CROCC2: variants seen among roughly 807,000 people sequenced by gnomAD.
CROCC2 encodes ciliary rootlet coiled-coil protein 2.
Under a neutral mutation model 177.6 loss-of-function variants are expected in CROCC2, and 163 were observed. That is an observed-to-expected ratio of 0.92 (90% confidence interval 0.81 to 1.05). The LOEUF (loss-of-function observed/expected upper bound fraction) is 1.05. Ranked by LOEUF, CROCC2 falls within the 50% of genes least tolerant of loss-of-function variation. The pLI is 0.00. For missense variants in CROCC2, 1,929 were observed against 1,797.8 expected, an observed-to-expected ratio of 1.07 and a Z score of -1.32; for synonymous variants, 904 against 787.3, an observed-to-expected ratio of 1.15 and a Z score of -2.48.
At chr2:240,974,187 T>G (rs1219802904) in intron 27 of CROCC2, among the ~76,000 whole-genome samples, 4 of 152,236 alleles carry the variant, frequency 2.6e-5, no homozygotes, top group Non-Finnish European at 4.4e-5. Context: ...GTTTCTCTCC[T>G]TCGTGTTGGA....
Position 240,917,017 on chromosome 2 carries a change from C to A in CROCC2, c.79-1709C>A, listed in dbSNP as rs957879988. On this transcript the variant is annotated intron_variant, in intron 1 of 31. Coordinates refer to ENST00000690015, the MANE Select transcript of CROCC2 (RefSeq NM_001351305.2). The surrounding 1 kb of genome is among the most constrained non-coding windows in gnomAD (Gnocchi z 4.9). The stretch of plus-strand genomic sequence containing the variant: ...GAGCAGGGACTTCCCTCCCCCTCCC[C>A]CACTGGGCTGCTGCTCCCAAGGGGG... Among the ~76,000 whole-genome samples, 1 of 152,176 alleles carries A rather than the reference C, an allele frequency of 6.6e-6. No homozygotes were observed. The highest frequency in any genetic ancestry group is 6.5e-5 in the Admixed American group (1 of 15,286).
chr2:240,943,707 C>T (rs1574766093), intron 14 of CROCC2, among the ~76,000 whole-genome samples: 1 of 151,902 alleles, frequency 6.6e-6, no homozygotes, highest in East Asian at 1.9e-4. Flanking sequence ...CTCGAACTCC[C>T]GAGCTCAGGT....
chr2:240,949,756 G>A lies in CROCC2; in HGVS notation c.2652+54G>A. Reference sequence around the variant, plus strand: ...TTCCTAGAAGGCTACCAGGTCCCGGGGAATGGCAGGCCCTTGGGAGGAGGG... The same window carrying A: ...TTCCTAGAAGGCTACCAGGTCCCGGAGAATGGCAGGCCCTTGGGAGGAGGG... On this transcript the variant is annotated intron_variant, in intron 17 of 31. Transcript: ENST00000690015. This position sits in a 1 kb window ranked among gnomAD's most constrained non-coding sequence, Gnocchi z 4.5. 1.3e-6 allele frequency: 2 copies of A among 1,483,214 alleles called. No individual in the cohort carries two copies. Among genetic ancestry groups the A allele is most frequent in the South Asian group, 1.3e-5 (1 of 77,732 alleles). The allele number at this position is 1,483,214 out of a possible 1,614,324, so 91.9% of individuals were successfully genotyped here.
chr2:240,909,946 C>T, intron 1 of CROCC2, among the ~76,000 whole-genome samples: 1 of 152,120 alleles, frequency 6.6e-6, no homozygotes, highest in Non-Finnish European at 1.5e-5. Context: ...CAGGAGGCCC[C>T]CTGTGACCAG....
chr2:240,983,716 C>G (rs2059818003), intron 28 of CROCC2: 2 of 978,846 alleles, frequency 2.0e-6, no homozygotes, highest in Non-Finnish European at 2.8e-6. Flanking sequence ...AGCTCAGGGT[C>G]AGGACGCCCG....
At chr2:240,929,416 G>A (rs1344035120) in intron 5 of CROCC2, among the ~76,000 whole-genome samples, 2 of 152,272 alleles carry the variant, frequency 1.3e-5, no homozygotes, top group East Asian at 3.9e-4. Flanking sequence ...GCAGGGCCTA[G>A]AAGGTGGTGT....
chr2:240,911,944 G>A (rs1186822686), intron 1 of CROCC2, among the ~76,000 whole-genome samples: 1 of 152,192 alleles, frequency 6.6e-6, no homozygotes, highest in Non-Finnish European at 1.5e-5. Context: ...AAATGCTGCT[G>A]TGAACCTCGG....
chr2:240,993,266 G>C lies in CROCC2; in HGVS notation c.*185G>C. The C allele has an allele frequency of 3.7e-6, 2 of 543,680 alleles. No homozygotes were observed. The highest frequency in any genetic ancestry group is 5.1e-5 in the South Asian group (2 of 38,842). 33.7% of individuals were successfully genotyped at this position (543,680 alleles called of 1,614,324 possible). A position where few individuals can be genotyped will look rare whatever the true frequency, so the allele number is the denominator to read the frequency against. On this transcript the variant is annotated 3_prime_UTR_variant, in exon 32 of 32. Coordinates refer to ENST00000690015, the MANE Select transcript of CROCC2 (RefSeq NM_001351305.2). ...CATGGGGAACATTTGAAATGCATGT[G>C]GGGGCCTCCGAATTTTGAATTTTAA...
Position 240,932,690 on chromosome 2 carries a change from T to C in CROCC2, c.1045-12T>C. 1 of 733,470 alleles carries C rather than the reference T, an allele frequency of 1.4e-6. No individual in the cohort carries two copies. The highest frequency in any genetic ancestry group is 2.5e-6 in the Non-Finnish European group (1 of 399,824). 45.4% of individuals were successfully genotyped at this position (733,470 alleles called of 1,614,324 possible). A position where few individuals can be genotyped will look rare whatever the true frequency, so the allele number is the denominator to read the frequency against. ...CTGGGCCCCTCTATCCCTTCCTCTCTGCACCTTGAAGGTGGCCCAGGAGGA... is the reference window on the plus strand; with the variant it reads ...CTGGGCCCCTCTATCCCTTCCTCTCCGCACCTTGAAGGTGGCCCAGGAGGA... On this transcript the variant is annotated splice_polypyrimidine_tract_variant and intron_variant, in intron 8 of 31. Coordinates refer to ENST00000690015, the MANE Select transcript of CROCC2 (RefSeq NM_001351305.2).
In CROCC2 at chr2:240,933,859, G is replaced by C. The variant is rs978138230; in HGVS notation, c.1646+7G>C. ...GCAGGGCACTGGAGACCAGGTGCGCGGCCGTGGCTGGGTGGGCAGGGCCCC... is the reference window on the plus strand; with the variant it reads ...GCAGGGCACTGGAGACCAGGTGCGCCGCCGTGGCTGGGTGGGCAGGGCCCC... On this transcript the variant is annotated splice_region_variant and intron_variant, in intron 11 of 31. Transcript: ENST00000690015. 5.2e-6 allele frequency: 8 copies of C among 1,540,064 alleles called. No homozygotes were observed. In the African/African-American group the frequency reaches 1.1e-4, roughly 21 times the overall value.
rs2059891867 is a variant in CROCC2 at position 240,993,303 on chromosome 2, A to G, written c.*222A>G. On this transcript the variant is annotated 3_prime_UTR_variant, in exon 32 of 32. Transcript: ENST00000690015. ...ATTTTGAATTTTAATAAATAGTTGA[A>G]TCAGCGTAGGAGATGCTATTTTAAC... 5.4e-6 allele frequency: 3 copies of G among 550,722 alleles called. No individual in the cohort carries two copies. Among genetic ancestry groups the G allele is most frequent in the Middle Eastern group, 2.7e-4 (1 of 3,646 alleles). 34.1% of individuals were successfully genotyped at this position (550,722 alleles called of 1,614,324 possible). A position where few individuals can be genotyped will look rare whatever the true frequency, so the allele number is the denominator to read the frequency against.
intron 27 of CROCC2, among the ~76,000 whole-genome samples, chr2:240,976,422 CT>C (rs2059766286): frequency 7.9e-6 from 1 of 126,218 alleles, no homozygotes; most frequent in Non-Finnish European, 1.7e-5. Flanking sequence ...CCTGCTCAGT[CT>C]CTGGGGTAGG....
At chr2:240,920,688 C>T (rs1007952735) in intron 3 of CROCC2, among the ~76,000 whole-genome samples, 5 of 152,224 alleles carry the variant, frequency 3.3e-5, no homozygotes, top group Non-Finnish European at 4.4e-5. Flanking sequence ...ATCTTTGGTC[C>T]CCTGGTGGCT....
intron 27 of CROCC2, among the ~76,000 whole-genome samples, chr2:240,978,354 A>C (rs2059778866): frequency 7.2e-5 from 3 of 41,534 alleles, no homozygotes; most frequent in Admixed American, 5.2e-4. Context: ...ATCCCTGCTC[A>C]GTCTCTGGGG....
chr2:240,931,315 G>A (rs1302003446), intron 7 of CROCC2, among the ~76,000 whole-genome samples, 187 bp downstream of exon 7: 1 of 152,210 alleles, frequency 6.6e-6, no homozygotes. Flanking sequence ...CTCCCCTAAT[G>A]CCCAGGAGGC....
In CROCC2 at chr2:240,973,452, C is replaced by A. The variant is rs968092016; in HGVS notation, c.4401+5190C>A. ...GCCCCCCATGCCACCCTTGGACTGG[C>A]GCCCAGTCACAGCCTCCGTGGCTCA... On this transcript the variant is annotated intron_variant, in intron 27 of 31. Coordinates refer to ENST00000690015, the MANE Select transcript of CROCC2 (RefSeq NM_001351305.2). The surrounding 1 kb of genome is among the most constrained non-coding windows in gnomAD (Gnocchi z 4.7). 3.3e-5 allele frequency among the ~76,000 whole-genome samples: 5 copies of A among 152,046 alleles called. No homozygotes were observed. Among genetic ancestry groups the A allele is most frequent in the African/African-American group, 1.2e-4 (5 of 41,390 alleles).
At chr2:240,933,367 G>T in intron 10 of CROCC2, 25 bp downstream of exon 10, 1 of 1,481,294 alleles carries the variant, frequency 6.8e-7, no homozygotes, top group Non-Finnish European at 8.9e-7. Flanking sequence ...GGGTTGCACG[G>T]CCTTGCACAG....
chr2:240,991,343 C>A (rs1237967253), intron 31 of CROCC2, 65 bp downstream of exon 31: 2 of 1,424,216 alleles, frequency 1.4e-6, no homozygotes, highest in Non-Finnish European at 1.9e-6. Flanking sequence ...CAGGGGCAGG[C>A]GGCCCTGGGG....
chr2:240,936,015 GA>G (rs56155367), intron 14 of CROCC2, among the ~76,000 whole-genome samples: 49,314 of 151,822 alleles, frequency 0.32, 8,691 homozygotes, highest in Middle Eastern at 0.5. Flanking sequence ...ACTCACTGGA[GA>G]AAAAAACAGT....
Sources: allele counts gnomAD v4.1 joint callset (sites outside exome capture counted in the v4.1 genomes callset), GRCh38; gene constraint gnomAD v4.1.1; non-coding constraint Gnocchi (gnomAD v3.1); transcripts MANE v1.5; gene names NCBI Gene and HGNC (gene_info 2026-07-23, HGNC 2026-07-21).